EXOC4: variants seen among roughly 807,000 people sequenced by gnomAD.
EXOC4 encodes the protein exocyst complex component 4.
A neutral mutation model predicts 107.2 loss-of-function variants in EXOC4; 71 were observed. The ratio of observed to expected loss-of-function variants is 0.66; its 90% CI spans 0.55 to 0.81. The LOEUF is 0.81. EXOC4 is among the 30% of genes least tolerant of loss of function. The pLI, the probability that EXOC4 is intolerant of heterozygous loss-of-function variation, is 0.00. For synonymous variants in EXOC4, 456 were observed against 441.2 expected (o/e 1.03, Z -0.42); for missense variants, 1,108 against 1,189.6 (o/e 0.93, Z 1.01).
chr7:134,021,268 T>C (rs552896774), intron 17 of EXOC4, among the ~76,000 whole-genome samples: 3 of 152,322 alleles, frequency 2.0e-5, no homozygotes, highest in Middle Eastern at 6.8e-3. Context: ...AATGCCTGTG[T>C]GTATGGATGA....
chr7:134,099,712 A>G, the EXOC4 span, among the ~76,000 whole-genome samples: 2 of 150,762 alleles, frequency 1.3e-5, no homozygotes, highest in African/African-American at 4.9e-5. Context: ...TTGTATTTTT[A>G]GTAGAGACGG....
At chr7:133,612,993 G>A (rs1377777343) in intron 9 of EXOC4, among the ~76,000 whole-genome samples, 1 of 151,708 alleles carries the variant, frequency 6.6e-6, no homozygotes, top group Non-Finnish European at 1.5e-5. Context: ...ATTTATGTGT[G>A]GATTTTAAAA....
At chr7:133,400,950 C>T (rs1797075737) in intron 7 of EXOC4, among the ~76,000 whole-genome samples, 1 of 152,084 alleles carries the variant, frequency 6.6e-6, no homozygotes, top group Admixed American at 6.5e-5. Context: ...AGTGGGGGCA[C>T]GAGGAGCTGT....
chr7:133,362,383 A>G (rs1796155183), intron 6 of EXOC4, among the ~76,000 whole-genome samples: 1 of 152,146 alleles, frequency 6.6e-6, no homozygotes, highest in Non-Finnish European at 1.5e-5. Flanking sequence ...TCTGTCATGT[A>G]ATTGTCCATG....
intron 10 of EXOC4, among the ~76,000 whole-genome samples, chr7:133,815,018 T>C (rs1359035191): frequency 6.6e-6 from 1 of 152,192 alleles, no homozygotes; most frequent in African/African-American, 2.4e-5. Flanking sequence ...TTCCATAGCA[T>C]TGTGGAACTG....
Position 133,917,742 on chromosome 7 carries a change from A to G in EXOC4, c.2027+4A>G, listed in dbSNP as rs376048678. ...AGGAGGAAGAAGATTTCATAAGGTAAAAGGTCCATTTTCTAAGTTGTCCTA... is the reference window on the plus strand; with the variant it reads ...AGGAGGAAGAAGATTTCATAAGGTAGAAGGTCCATTTTCTAAGTTGTCCTA... On this transcript the variant is annotated splice_donor_region_variant and intron_variant, in intron 13 of 17. Coordinates refer to ENST00000253861, the MANE Select transcript of EXOC4 (RefSeq NM_021807.4). 3 of 1,613,650 alleles carry G rather than the reference A, an allele frequency of 1.9e-6. No individual in the cohort carries two copies. The highest frequency in any genetic ancestry group is 2.5e-6 in the Non-Finnish European group (3 of 1,179,808).
chr7:133,298,122 G>A (rs1794559528), intron 3 of EXOC4, among the ~76,000 whole-genome samples: 1 of 152,146 alleles, frequency 6.6e-6, no homozygotes, highest in African/African-American at 2.4e-5. Flanking sequence ...CAAGATAGGA[G>A]GAGCTTGTTA....
rs141235054 is a variant in EXOC4 at position 133,927,135 on chromosome 7, T to TA, written c.2027+9412dup. Among the ~76,000 whole-genome samples the TA allele has an allele frequency of 5.8e-3, 821 of 142,396 alleles. 7 individuals are homozygous for TA. The highest frequency in any genetic ancestry group is 0.015 in the African/African-American group (585 of 38,068). The allele number at this position is 142,396 out of a possible 152,430, so 93.4% of individuals were successfully genotyped here. On this transcript the variant is annotated intron_variant, in intron 13 of 17. Coordinates refer to ENST00000253861, the MANE Select transcript of EXOC4 (RefSeq NM_021807.4). ...CTCCTCAAATGAAAGAAATAAAATG[T>TA]AAAAAAAAAAAAAAATGGGGAGGCC...
chr7:133,327,403 T>G (rs566213789), intron 5 of EXOC4, among the ~76,000 whole-genome samples: 1 of 152,284 alleles, frequency 6.6e-6, no homozygotes, highest in African/African-American at 2.4e-5. Flanking sequence ...ATTCATTGAT[T>G]TTTTTTGAAG....
At chr7:133,898,876 G>T (rs2116540403) in intron 12 of EXOC4, among the ~76,000 whole-genome samples, 1 of 152,028 alleles carries the variant, frequency 6.6e-6, no homozygotes, top group East Asian at 1.9e-4. Context: ...TACTCGGGAG[G>T]CTGAGGCAGG....
At chr7:133,275,771 A>T (rs1440429028) in intron 2 of EXOC4, among the ~76,000 whole-genome samples, 1 of 151,970 alleles carries the variant, frequency 6.6e-6, no homozygotes, top group Admixed American at 6.5e-5. Context: ...TTAACCTACA[A>T]ATTATTTAAA....
At chr7:134,016,978 G>A (rs569026504) in intron 17 of EXOC4, among the ~76,000 whole-genome samples, 19 of 152,276 alleles carry the variant, frequency 1.2e-4, no homozygotes, top group East Asian at 3.9e-4. Flanking sequence ...GACTTCAAAG[G>A]TGACTTGGCT....
chr7:133,370,569 G>T (rs942847988), intron 6 of EXOC4, among the ~76,000 whole-genome samples: 4 of 152,124 alleles, frequency 2.6e-5, no homozygotes, highest in Admixed American at 6.5e-5. Context: ...AGGAATTTCC[G>T]TGTGGACAAA....
intron 11 of EXOC4, among the ~76,000 whole-genome samples, chr7:133,840,184 A>G (rs1333069493): frequency 6.6e-6 from 1 of 152,246 alleles, no homozygotes; most frequent in Admixed American, 6.5e-5. Flanking sequence ...TTTCATATAT[A>G]CCTATAATCG....
intron 11 of EXOC4, among the ~76,000 whole-genome samples, chr7:133,855,671 AAGCAACTACTGATAAGAAAGTAAG>A (rs1423062120): frequency 1.3e-5 from 2 of 152,180 alleles, no homozygotes; most frequent in Non-Finnish European, 2.9e-5. Flanking sequence ...AGGAGGGTAA[AAGCAACTACTGATAAGAAAGTAAG>A]CCTTAGCCAG....
intron 7 of EXOC4, among the ~76,000 whole-genome samples, chr7:133,392,865 T>C (rs770079030): frequency 3.3e-5 from 5 of 152,238 alleles, no homozygotes; most frequent in Non-Finnish European, 7.3e-5. Flanking sequence ...GTTAGATAGA[T>C]TGTTATCCAA....
At chr7:133,771,119 C>G (rs748415750) in intron 10 of EXOC4, among the ~76,000 whole-genome samples, 2 of 151,824 alleles carry the variant, frequency 1.3e-5, no homozygotes, top group Non-Finnish European at 2.9e-5. Context: ...GAAGTTACAG[C>G]CAAAGATATA....
At chr7:133,260,530 TC>T (rs1795124535) in intron 1 of EXOC4, among the ~76,000 whole-genome samples, 1 of 152,212 alleles carries the variant, frequency 6.6e-6, no homozygotes, top group Admixed American at 6.5e-5. Flanking sequence ...TGCCTCGGCC[TC>T]CCAAAGTGCA....
At chr7:133,765,447 G>A (rs1197012505) in intron 10 of EXOC4, among the ~76,000 whole-genome samples, 2 of 151,954 alleles carry the variant, frequency 1.3e-5, no homozygotes, top group African/African-American at 4.8e-5. Context: ...TACCTATAAG[G>A]ATGGTAGGCT....
Sources: gnomAD v4.1 joint callset for allele counts (sites outside exome capture counted in the v4.1 genomes callset) on GRCh38, gnomAD v4.1.1 for gene constraint, MANE v1.5 for transcripts, NCBI Gene and HGNC (gene_info 2026-07-23, HGNC 2026-07-21) for gene names.